ABCG2: variants seen among roughly 807,000 people sequenced by gnomAD.
The protein encoded by ABCG2 is ATP binding cassette subfamily G member 2 (JR blood group), also known as broad substrate specificity ATP-binding cassette transporter ABCG2.
A neutral mutation model predicts 73.5 loss-of-function variants in ABCG2; 80 were observed. That is an observed-to-expected ratio of 1.09 (90% CI 0.91 to 1.31). The LOEUF is 1.31. ABCG2 is among the 50% of genes most tolerant of loss of function. The pLI is 0.00. For missense variants in ABCG2, 796 were observed against 786.2 expected, an observed-to-expected ratio of 1.01 and a Z score of -0.15; for synonymous variants, 269 against 282.4, an observed-to-expected ratio of 0.95 and a Z score of 0.48.
At chr4:88,099,892 C>G (rs939341777) in intron 11 of ABCG2, among the ~76,000 whole-genome samples, 5 of 152,096 alleles carry the variant, frequency 3.3e-5, no homozygotes, top group Non-Finnish European at 7.4e-5. Context: ...TCCAAGCCCC[C>G]TAGTGCAGCT....
rs150591617 is a variant in ABCG2 at position 88,187,661 on chromosome 4, T to C, written c.-20+43333A>G. Among the ~76,000 whole-genome samples the C allele has an allele frequency of 5.7e-3, 866 of 152,284 alleles. 11 individuals are homozygous for C. The highest frequency in any genetic ancestry group is 0.019 in the African/African-American group (771 of 41,570). ...AATGCTTGAGGTGATGGATATCTCA[T>C]TTATCCTGATGTGATTATTACATAT... On this transcript the variant is annotated intron_variant, in intron 1 of 15. Transcript: ENST00000515655.
rs1721864088 is a variant in ABCG2 at position 88,094,622 on chromosome 4, CAGA to C, written c.1772_1774del (p.Phe591del). ...GTTTCCTGTTGCATTGAGTCCTGGGCAGAAGTTTTGTCCCAAAAATTCATTATG... is the reference window on the plus strand; with the variant it reads ...GTTTCCTGTTGCATTGAGTCCTGGGCAGTTTTGTCCCAAAAATTCATTATG... On this transcript the variant is annotated inframe_deletion, in exon 15 of 16. Coordinates refer to ENST00000237612, the MANE Select transcript of ABCG2 (RefSeq NM_004827.3). 1.2e-6 allele frequency: 2 copies of C among 1,613,936 alleles called. No homozygotes were observed. The highest frequency in any genetic ancestry group is 1.7e-6 in the Non-Finnish European group (2 of 1,179,946).
At chr4:88,192,733 ACG>A (rs1164395488) in intron 1 of ABCG2, among the ~76,000 whole-genome samples, 1 of 136,852 alleles carries the variant, frequency 7.3e-6, no homozygotes, top group Non-Finnish European at 1.6e-5. Context: ...TTTTTTTTAA[ACG>A]GAGTCTTGCT....
intron 14 of ABCG2, 86 bp downstream of exon 14, chr4:88,095,434 T>C (rs1721918805): frequency 1.1e-5 from 13 of 1,230,942 alleles, no homozygotes; most frequent in Non-Finnish European, 1.5e-5. Flanking sequence ...TCACAGCTCA[T>C]GGTCAGGGAA....
rs754786030 is a variant in ABCG2 at position 88,121,766 on chromosome 4, C to A, written c.558G>T (p.Val186=). 4 of 1,613,578 alleles carry A rather than the reference C, an allele frequency of 2.5e-6. No individual in the cohort carries two copies. In the African/African-American group the frequency reaches 4.0e-5, roughly 16 times the overall value. The change falls in exon 6 of 16, where the codon GTG becomes GTT. Residue 186 remains valine, a synonymous_variant. Coordinates refer to ENST00000237612, the MANE Select transcript of ABCG2 (RefSeq NM_004827.3). ...TAGTCCTTTTTCTTTCTCCTCCAGA[C>A]ACACCACGGATAAACTGAGTTCCAA... ...SKVGTQFIRG[V]SGGERKRTSI...
intron 1 of ABCG2, among the ~76,000 whole-genome samples, chr4:88,214,633 G>A (rs1374752706): frequency 6.6e-6 from 1 of 152,064 alleles, no homozygotes; most frequent in Non-Finnish European, 1.5e-5. Context: ...GCTGAGGCAG[G>A]AGGATCACTT....
chr4:88,137,151 G>A (rs1482109862), intron 2 of ABCG2, among the ~76,000 whole-genome samples: 1 of 152,104 alleles, frequency 6.6e-6, no homozygotes, highest in Non-Finnish European at 1.5e-5. Context: ...AACAATAAGA[G>A]TATGAAGGTA....
intron 1 of ABCG2, among the ~76,000 whole-genome samples, chr4:88,148,642 T>C (rs894483059): frequency 1.3e-5 from 2 of 152,156 alleles, no homozygotes; most frequent in Non-Finnish European, 2.9e-5. Flanking sequence ...TTAATACTTA[T>C]TACTAAGGAA....
intron 6 of ABCG2, 55 bp downstream of exon 6, chr4:88,121,580 G>A: frequency 6.6e-7 from 1 of 1,510,004 alleles, no homozygotes; most frequent in Non-Finnish European, 9.0e-7. Flanking sequence ...AAGAATATCT[G>A]GGACATAGTA....
chr4:88,204,935 A>G (rs969686526), intron 1 of ABCG2, among the ~76,000 whole-genome samples: 1 of 152,232 alleles, frequency 6.6e-6, no homozygotes, highest in African/African-American at 2.4e-5. Flanking sequence ...TGCTGTCAAA[A>G]GATTTGCCAT....
chr4:88,221,113 AC>A (rs1300069672), intron 1 of ABCG2, among the ~76,000 whole-genome samples: 1 of 152,126 alleles, frequency 6.6e-6, no homozygotes, highest in African/African-American at 2.4e-5. Context: ...TACTAATAAT[AC>A]AAAAATTAGA....
chr4:88,194,283 G>T (rs950727957), intron 1 of ABCG2, among the ~76,000 whole-genome samples: 34 of 151,466 alleles, frequency 2.2e-4, no homozygotes, highest in African/African-American at 8.0e-4. Flanking sequence ...GGGCACTGTG[G>T]CTCACGCCTG....
chr4:88,198,823 T>G (rs528301218), intron 1 of ABCG2, among the ~76,000 whole-genome samples: 2 of 151,192 alleles, frequency 1.3e-5, no homozygotes, highest in Non-Finnish European at 2.9e-5. Flanking sequence ...GGATGTCCAG[T>G]AGAAACTGAA....
chr4:88,181,694 A>G (rs1728260059), intron 1 of ABCG2, among the ~76,000 whole-genome samples: 1 of 152,158 alleles, frequency 6.6e-6, no homozygotes, highest in Admixed American at 6.5e-5. Flanking sequence ...TTACACCACT[A>G]CACTACAGCC....
intron 1 of ABCG2, among the ~76,000 whole-genome samples, chr4:88,186,703 A>AG (rs1380823167): frequency 9.3e-5 from 14 of 151,222 alleles, no homozygotes; most frequent in African/African-American, 3.4e-4. Flanking sequence ...GCGGATCACG[A>AG]GGTCAGGAGA....
At chr4:88,198,240 G>A (rs1056209314) in intron 1 of ABCG2, among the ~76,000 whole-genome samples, 7 of 151,880 alleles carry the variant, frequency 4.6e-5, no homozygotes, top group African/African-American at 1.7e-4. Flanking sequence ...GGCTGAGACA[G>A]GAGAATAGCT....
intron 1 of ABCG2, among the ~76,000 whole-genome samples, chr4:88,199,737 C>T (rs533434707): frequency 2.0e-5 from 3 of 152,326 alleles, no homozygotes; most frequent in South Asian, 2.1e-4. Context: ...CAGTGGCTTA[C>T]GCCTGTGGTC....
chr4:88,202,374 A>ATATATATATATATATATG (rs1240795047), intron 1 of ABCG2, among the ~76,000 whole-genome samples: 58 of 115,772 alleles, frequency 5.0e-4, no homozygotes, highest in African/African-American at 6.9e-4. Context: ...ATATATATAT[A>ATATATATATATATATATG]TATGTATATT....
chr4:88,152,457 C>T lies in ABCG2; in HGVS notation c.-20+5929G>A, dbSNP rs1578234955. 3.3e-5 allele frequency among the ~76,000 whole-genome samples: 5 copies of T among 152,012 alleles called. 1 individual carries two copies. The South Asian group carries it at 1.0e-3, about 32-fold the overall frequency. ...AAGGGAGATAGGGATGGGGCCATTT[C>T]ATAAGATTTGGGTAGGTAAAGGGTA... On this transcript the variant is annotated intron_variant, in intron 1 of 15. Transcript: ENST00000237612.
Sources: gnomAD v4.1 joint callset for allele counts (sites outside exome capture counted in the v4.1 genomes callset) on GRCh38, gnomAD v4.1.1 for gene constraint, MANE v1.5 for transcripts, NCBI Gene and HGNC (gene_info 2026-07-23, HGNC 2026-07-21) for gene names.